Variants in INPP5B observed in about 807,000 individuals in gnomAD.
The protein encoded by INPP5B is type II inositol 1,4,5-trisphosphate 5-phosphatase.
A neutral mutation model predicts 118.5 loss-of-function variants in INPP5B; 90 were observed. The ratio of observed to expected loss-of-function variants is 0.76; its 90% confidence interval spans 0.64 to 0.90. The LOEUF (loss-of-function observed/expected upper bound fraction) is 0.90. Ranked by LOEUF, INPP5B falls within the 40% of genes least tolerant of loss-of-function variation. INPP5B has a pLI of 0.00. For synonymous variants in INPP5B, 385 were observed against 418.9 expected (o/e 0.92, Z 0.99); for missense variants, 984 against 1,125.6 (o/e 0.87, Z 1.80).
intron 14 of INPP5B, 39 bp downstream of exon 14, chr1:37,882,768 G>A: frequency 6.7e-7 from 1 of 1,503,528 alleles, no homozygotes; most frequent in Non-Finnish European, 9.3e-7. Flanking sequence ...TCATGGTGGA[G>A]GACAGCTGCT....
At chr1:37,895,828 A>C (rs1345164734) in intron 7 of INPP5B, among the ~76,000 whole-genome samples, 1 of 152,118 alleles carries the variant, frequency 6.6e-6, no homozygotes, top group Non-Finnish European at 1.5e-5. Flanking sequence ...AATGGTGCCC[A>C]GGCTGGAGTG....
intron 7 of INPP5B, among the ~76,000 whole-genome samples, chr1:37,926,718 AC>A (rs1393001396): frequency 3.3e-5 from 5 of 152,126 alleles, no homozygotes; most frequent in Non-Finnish European, 7.4e-5. Context: ...ATAGTTCAAA[AC>A]CCTCCAGAAC....
intron 18 of INPP5B, 99 bp downstream of exon 18, chr1:37,873,893 TA>T (rs1642627698): frequency 5.5e-6 from 5 of 902,824 alleles, no homozygotes; most frequent in African/African-American, 5.1e-5. Flanking sequence ...AAGCAGAGAA[TA>T]AAACACTCAA....
intron 15 of INPP5B, among the ~76,000 whole-genome samples, chr1:37,878,768 G>C (rs2148484969): frequency 6.6e-6 from 1 of 151,886 alleles, no homozygotes; most frequent in Non-Finnish European, 1.5e-5. Context: ...TCCTACCTCA[G>C]CCTCCCGAAT....
chr1:37,879,984 C>T, intron 15 of INPP5B, 101 bp downstream of exon 15: 1 of 637,680 alleles, frequency 1.6e-6, no homozygotes, highest in African/African-American at 1.8e-5. Flanking sequence ...GGGAAAAAGT[C>T]ACAGGAAGCA....
intron 22 of INPP5B, 118 bp from the exon 23 acceptor site, chr1:37,864,541 A>T (rs1419309180): frequency 3.4e-6 from 2 of 583,000 alleles, no homozygotes; most frequent in Admixed American, 6.7e-5. Context: ...TGCACAGAAA[A>T]CTGGTTGCTT....
chr1:37,901,922 A>G (rs1299266658), intron 7 of INPP5B, among the ~76,000 whole-genome samples: 1 of 151,786 alleles, frequency 6.6e-6, no homozygotes, highest in Non-Finnish European at 1.5e-5. Flanking sequence ...ACCCAATCTA[A>G]TAGGTGACAA....
At chr1:37,885,238 C>T (rs1426043780) in intron 13 of INPP5B, 1 of 156,888 alleles carries the variant, frequency 6.4e-6, no homozygotes, top group Non-Finnish European at 1.4e-5. Context: ...ACAGTGAAAC[C>T]CCGTCTCCAC....
chr1:37,932,368 T>TC, intron 6 of INPP5B, among the ~76,000 whole-genome samples: 1 of 137,292 alleles, frequency 7.3e-6, no homozygotes, highest in Non-Finnish European at 1.6e-5. Context: ...CTTTTCTTTT[T>TC]TTTTTTTTTT....
At chr1:37,895,969 C>T (rs1371341384) in intron 7 of INPP5B, among the ~76,000 whole-genome samples, 64 of 150,956 alleles carry the variant, frequency 4.2e-4, no homozygotes, top group African/African-American at 1.2e-3. Context: ...TCCGCCTGGC[C>T]GCCCATCGTC....
Position 37,885,818 on chromosome 1 carries a change from T to C in INPP5B, c.1139A>G (p.Lys380Arg). 1 of 1,613,854 alleles carries C rather than the reference T, an allele frequency of 6.2e-7. No homozygotes were observed. The highest frequency in any genetic ancestry group is 8.5e-7 in the Non-Finnish European group (1 of 1,179,776). The change falls in exon 13 of 24, where the codon AAG becomes AGG. Residue 380 changes from lysine (K) to arginine (R), a missense_variant. By Grantham distance (26) the Lys-to-Arg change is conservative. Around this residue, in one of 2 missense-constraint regions of INPP5B, gnomAD observed 634 missense variants for 791.0 expected, o/e 0.80. Transcript: ENST00000373024. ...CTGGAACCTGATCGCCACGCCTCCC[T>C]TGTTGCCCTATGGAAAGGATCCCCA... ...GTGIMGRMGNKGGVAIRFQFH... is the reference protein window; with the variant it reads ...GTGIMGRMGNRGGVAIRFQFH...
Position 37,943,673 on chromosome 1 carries a change from T to C in INPP5B, c.251-4A>G, listed in dbSNP as rs772407095. 3 of 1,613,992 alleles carry C rather than the reference T, an allele frequency of 1.9e-6. No individual in the cohort carries two copies. The highest frequency in any genetic ancestry group is 2.5e-6 in the Non-Finnish European group (3 of 1,179,964). On this transcript the variant is annotated splice_region_variant and splice_polypyrimidine_tract_variant and intron_variant, in intron 4 of 23. Coordinates refer to ENST00000373024, the MANE Select transcript of INPP5B (RefSeq NM_005540.3). ...TAGAGTTCACCATCTGGGGACACTG[T>C]GGGGAGGGAAATGAGAATGCCCTTA...
intron 7 of INPP5B, among the ~76,000 whole-genome samples, chr1:37,906,868 A>C (rs981151474): frequency 1.2e-4 from 18 of 152,018 alleles, no homozygotes; most frequent in Middle Eastern, 3.4e-3. Flanking sequence ...TCAAAAAAAA[A>C]AAAAAGAAAG....
At position 37,927,901 on chromosome 1, in the gene INPP5B, CAAAGA is replaced by C. The variant is rs1170099580; in HGVS notation, c.532+4007_532+4011del. ...ACTCCTGAATTCAGCAGAGACAAAT[CAAAGA>C]AAAGAAAGGACATTTTGAAAGAATC... On this transcript the variant is annotated intron_variant, in intron 7 of 23. Coordinates refer to ENST00000373024, the MANE Select transcript of INPP5B (RefSeq NM_005540.3). 1.3e-5 allele frequency among the ~76,000 whole-genome samples: 2 copies of C among 152,118 alleles called. 1 individual carries two copies.
At position 37,865,793 on chromosome 1, in the gene INPP5B, C is replaced by T. The variant is rs1477995585; in HGVS notation, c.2482G>A (p.Glu828Lys). 1 of 1,613,694 alleles carries T rather than the reference C, an allele frequency of 6.2e-7. No individual in the cohort carries two copies. Among genetic ancestry groups the T allele is most frequent in the Non-Finnish European group, 8.5e-7 (1 of 1,179,730 alleles). The change falls in exon 22 of 24, where the codon GAG becomes AAG. Residue 828 changes from glutamate to lysine, a missense_variant. Glu to Lys is a moderately conservative substitution (Grantham distance 56). Coordinates refer to ENST00000373024, the MANE Select transcript of INPP5B (RefSeq NM_005540.3). ...ICYSTYHNCL[E>K]CSGNYTASKQ... is the part of the protein sequence containing the mutation. ...CTTGCTGTGTAGTTGCCAGAACACT[C>T]CAAGCAGTTATGGTAGGTGCTGTAA...
intron 22 of INPP5B, chr1:37,864,901 G>C (rs895641160): frequency 2.6e-5 from 4 of 152,040 alleles, no homozygotes; most frequent in Non-Finnish European, 5.8e-5. Flanking sequence ...GATTCCAAAA[G>C]TGATTATGGG....
chr1:37,888,418 T>A, intron 9 of INPP5B, 74 bp from the exon 10 acceptor site: 1 of 904,128 alleles, frequency 1.1e-6, no homozygotes, highest in South Asian at 2.3e-5. Context: ...TTATGCTGAT[T>A]TATGCTGGTT....
At position 37,867,421 on chromosome 1, in the gene INPP5B, T is replaced by C. The variant is rs145139680; in HGVS notation, c.2302-878A>G. 2.0e-3 allele frequency among the ~76,000 whole-genome samples: 308 copies of C among 152,318 alleles called. 2 individuals are homozygous for C. The highest frequency in any genetic ancestry group is 7.0e-3 in the African/African-American group (293 of 41,574). On this transcript the variant is annotated intron_variant, in intron 20 of 23. Transcript: ENST00000373024. ...ATAGTACAGCACTGAAGAATATGAC[T>C]TCTCTAGCCAGATTCACTGTATTCA... is the stretch of plus-strand genomic sequence containing the variant.
In INPP5B at chr1:37,889,512, A is replaced by G. The variant is rs559233775; in HGVS notation, c.797+45T>C. On this transcript the variant is annotated intron_variant, in intron 9 of 23. Coordinates refer to ENST00000373024, the MANE Select transcript of INPP5B (RefSeq NM_005540.3). ...GAAGTGCTCAAATTCCAGAGTGCCA[A>G]ATGATCATTCTGCTCTGAAAACATC... 4.0e-6 allele frequency: 6 copies of G among 1,509,838 alleles called. No homozygotes were observed. The South Asian group carries it at 6.1e-5, about 15-fold the overall frequency. The allele number at this position is 1,509,838 out of a possible 1,614,324, so 93.5% of individuals were successfully genotyped here.
Sources: allele counts gnomAD v4.1 joint callset (sites outside exome capture counted in the v4.1 genomes callset), GRCh38; gene constraint gnomAD v4.1.1; regional missense constraint gnomAD v4.1.1; transcripts MANE v1.5; gene names NCBI Gene and HGNC (gene_info 2026-07-23, HGNC 2026-07-21).